STX6: variants seen among roughly 807,000 people sequenced by gnomAD.
The protein encoded by STX6 is syntaxin 6, also known as syntaxin-6.
In STX6, 23 loss-of-function variants were observed where a neutral mutation model predicts 38.0. That is an observed-to-expected ratio of 0.60 (90% CI 0.43 to 0.86). The LOEUF (loss-of-function observed/expected upper bound fraction) is 0.86. Ranked by LOEUF, STX6 falls within the 40% of genes least tolerant of loss-of-function variation. The pLI, the probability that STX6 is intolerant of heterozygous loss-of-function variation, is 0.00. For synonymous variants in STX6, 123 were observed against 107.5 expected (o/e 1.14, Z -0.89); for missense variants, 274 against 312.9 (o/e 0.88, Z 0.94).
intron 1 of STX6, among the ~76,000 whole-genome samples, chr1:181,010,469 T>C (rs950234320): frequency 2.0e-5 from 3 of 151,990 alleles, no homozygotes; most frequent in Non-Finnish European, 4.4e-5. Flanking sequence ...ACTCAGCTAA[T>C]TTTCATATTT....
chr1:181,001,017 C>T (rs1278518481), intron 3 of STX6, among the ~76,000 whole-genome samples: 2 of 152,174 alleles, frequency 1.3e-5, no homozygotes, highest in Non-Finnish European at 2.9e-5. Context: ...TCCAAACACT[C>T]ACTGTGGATG....
intron 1 of STX6, among the ~76,000 whole-genome samples, chr1:181,021,946 A>G (rs1002618139): frequency 2.1e-4 from 32 of 152,256 alleles, no homozygotes; most frequent in African/African-American, 6.3e-4. Context: ...TAGAAAGCTG[A>G]GGAAAGTTTG....
chr1:180,988,240 C>T lies in STX6; in HGVS notation c.595G>A (p.Val199Ile), dbSNP rs768679300. 2 of 1,612,676 alleles carry T rather than the reference C, an allele frequency of 1.2e-6. No homozygotes were observed. Among genetic ancestry groups the T allele is most frequent in the Non-Finnish European group, 1.7e-6 (2 of 1,178,772 alleles). Residue 199 changes from valine to isoleucine, a missense_variant and splice_region_variant, in exon 6 of 8, where the codon GTT becomes ATT. Transcript: ENST00000258301. ...RIGGELEEQA[V>I]MLEDFSHELE... is the part of the protein sequence containing the mutation. ...CGAGAGGGGTGTCTCAATACTCACA[C>T]TGCCTGTTCCTCCAGCTCCCCTCCG...
intron 1 of STX6, among the ~76,000 whole-genome samples, chr1:181,013,176 A>G (rs1273526667): frequency 2.6e-5 from 4 of 152,058 alleles, no homozygotes; most frequent in East Asian, 1.9e-4. Context: ...AAAAAATCAC[A>G]AAGTTTTCTT....
intron 7 of STX6, among the ~76,000 whole-genome samples, chr1:180,984,063 CAAAAAAAAA>C (rs10625558): frequency 7.0e-4 from 5 of 7,166 alleles, no homozygotes; most frequent in East Asian, 3.5e-3. Flanking sequence ...GGCTCCATCT[CAAAAAAAAA>C]AAAAAAAAAA....
At chr1:180,999,710 C>G (rs1023771049) in intron 3 of STX6, among the ~76,000 whole-genome samples, 1 of 149,234 alleles carries the variant, frequency 6.7e-6, no homozygotes, top group African/African-American at 2.4e-5. Context: ...CCCCTGCCTA[C>G]AAAAGAGAAA....
At position 181,022,770 on chromosome 1, in the gene STX6, C is replaced by A; in HGVS notation, c.-97G>T. 2.3e-6 allele frequency: 3 copies of A among 1,306,344 alleles called. No individual in the cohort carries two copies. Among genetic ancestry groups the A allele is most frequent in the African/African-American group, 2.9e-5 (2 of 68,244 alleles). 80.9% of individuals were successfully genotyped at this position (1,306,344 alleles called of 1,614,324 possible). The stretch of plus-strand genomic sequence containing the variant: ...CACCCCGCCTGTTCCCGCAGCTGCC[C>A]GCGCCTTAGTCTGGGTGAAGCCGAG... On this transcript the variant is annotated 5_prime_UTR_variant, in exon 1 of 8. Transcript: ENST00000258301.
chr1:181,013,245 G>A lies in STX6; in HGVS notation c.36-7782C>T, dbSNP rs762897462. 3.9e-5 allele frequency among the ~76,000 whole-genome samples: 6 copies of A among 152,052 alleles called. No homozygotes were observed. In the East Asian group the frequency reaches 1.2e-3, roughly 29 times the overall value. On this transcript the variant is annotated intron_variant, in intron 1 of 7. Transcript: ENST00000258301. ...AGAAGAAAGAGTATCTCAGCCATTA[G>A]GGAGCTTTGTTCCCCAGTATTTGTC...
intron 1 of STX6, among the ~76,000 whole-genome samples, chr1:181,007,460 A>T (rs1292380558): frequency 6.6e-6 from 1 of 152,322 alleles, no homozygotes; most frequent in East Asian, 1.9e-4. Context: ...TTTATTTGTA[A>T]GTACTGAGTA....
In STX6 at chr1:180,974,523, CT is replaced by C. The variant is rs2102295555; in HGVS notation, c.*2046del. On this transcript the variant is annotated 3_prime_UTR_variant, in exon 8 of 8. Transcript: ENST00000258301. ...ACGGCCCCTGCTGACACACATGATC[CT>C]TTTGTGTGGCACAATAAATCTGGTA... The C allele has an allele frequency of 1.3e-5, 2 of 152,738 alleles. No homozygotes were observed. The highest frequency in any genetic ancestry group is 4.8e-5 in the African/African-American group (2 of 41,568). 9.5% of individuals were successfully genotyped at this position (152,738 alleles called of 1,614,324 possible).
At chr1:181,019,353 G>GAAA (rs35983547) in intron 1 of STX6, among the ~76,000 whole-genome samples, 2 of 104,822 alleles carry the variant, frequency 1.9e-5, no homozygotes, top group African/African-American at 3.5e-5. Context: ...AAATACAGAG[G>GAAA]AAAAAAAAAA....
At chr1:181,007,219 C>T (rs142377807) in intron 1 of STX6, among the ~76,000 whole-genome samples, 39 of 152,228 alleles carry the variant, frequency 2.6e-4, no homozygotes, top group East Asian at 1.9e-3. Context: ...ATATAACCTA[C>T]GCACATCCTC....
At chr1:181,016,446 T>A (rs570848890) in intron 1 of STX6, among the ~76,000 whole-genome samples, 6 of 152,364 alleles carry the variant, frequency 3.9e-5, no homozygotes, top group South Asian at 2.1e-4. Flanking sequence ...ACTAAGGAGC[T>A]AAATAATATT....
chr1:180,984,063 C>CA (rs10625558), intron 7 of STX6, among the ~76,000 whole-genome samples: 581 of 7,150 alleles, frequency 0.081, 185 homozygotes, highest in African/African-American at 0.17. Context: ...GGCTCCATCT[C>CA]AAAAAAAAAA....
intron 3 of STX6, among the ~76,000 whole-genome samples, chr1:181,000,676 T>C (rs1237596367): frequency 6.6e-6 from 1 of 152,162 alleles, no homozygotes; most frequent in Non-Finnish European, 1.5e-5. Context: ...TATTAGAAAA[T>C]GAACTTTGGA....
intron 7 of STX6, among the ~76,000 whole-genome samples, chr1:180,980,185 T>A (rs1655362563): frequency 8.2e-6 from 1 of 121,566 alleles, no homozygotes; most frequent in Non-Finnish European, 1.6e-5. Context: ...CTAGCATAGG[T>A]GACAGAGTCA....
chr1:180,993,944 C>T (rs1053522328), intron 3 of STX6, among the ~76,000 whole-genome samples: 14 of 152,086 alleles, frequency 9.2e-5, no homozygotes, highest in Admixed American at 9.2e-4. Flanking sequence ...CATTAAACAC[C>T]AAAGAATACT....
At chr1:181,018,204 T>G (rs1656618012) in intron 1 of STX6, among the ~76,000 whole-genome samples, 1 of 151,178 alleles carries the variant, frequency 6.6e-6, no homozygotes, top group Non-Finnish European at 1.5e-5. Context: ...GCTAACAGGG[T>G]GAAATGCCAT....
chr1:180,997,846 A>G (rs1426312860), intron 3 of STX6, among the ~76,000 whole-genome samples: 3 of 152,248 alleles, frequency 2.0e-5, no homozygotes, highest in African/African-American at 2.4e-5. Context: ...GCATATTTCA[A>G]TGTCCATAAA....
Sources: gnomAD v4.1 joint callset for allele counts (sites outside exome capture counted in the v4.1 genomes callset) on GRCh38, gnomAD v4.1.1 for gene constraint, MANE v1.5 for transcripts, NCBI Gene and HGNC (gene_info 2026-07-23, HGNC 2026-07-21) for gene names.